Variants in NOX4 observed in about 807,000 individuals in gnomAD.
NOX4 encodes the protein NADPH oxidase 4.
A neutral mutation model predicts 87.6 loss-of-function variants in NOX4; 69 were observed. That is an observed-to-expected ratio of 0.79 (90% CI 0.65 to 0.96). NOX4 has a LOEUF of 0.96. NOX4 is among the 40% of genes least tolerant of loss of function. NOX4 has a pLI of 0.00. For synonymous variants in NOX4, 275 were observed against 238.2 expected, an observed-to-expected ratio of 1.15 and a Z score of -1.42; for missense variants, 680 against 681.5, an observed-to-expected ratio of 1.00 and a Z score of 0.02.
the NOX4 span, among the ~76,000 whole-genome samples, chr11:89,531,278 C>A: frequency 2.6e-5 from 4 of 152,136 alleles, no homozygotes; most frequent in African/African-American, 4.8e-5. Context: ...CCCCCTGAGG[C>A]CATTGAACTC....
At chr11:89,332,828 T>TA in intron 17 of NOX4, among the ~76,000 whole-genome samples, 1 of 151,986 alleles carries the variant, frequency 6.6e-6, no homozygotes, top group East Asian at 1.9e-4. Context: ...TCTTCATTTG[T>TA]AAAATAAAAA....
chr11:89,371,442 T>C (rs1409289091), intron 12 of NOX4, among the ~76,000 whole-genome samples: 1 of 152,022 alleles, frequency 6.6e-6, no homozygotes, highest in African/African-American at 2.4e-5. Flanking sequence ...AGACATCATT[T>C]ATTTTAATGA....
Position 89,327,828 on chromosome 11 carries a change from T to G in NOX4, c.1617-952A>C, listed in dbSNP as rs1945283280. 2.6e-5 allele frequency among the ~76,000 whole-genome samples: 4 copies of G among 152,058 alleles called. No homozygotes were observed. The South Asian group carries it at 8.3e-4, about 31-fold the overall frequency. On this transcript the variant is annotated intron_variant, in intron 17 of 17. Coordinates refer to ENST00000263317, the MANE Select transcript of NOX4 (RefSeq NM_016931.5). ...AAACTAAAAGCTGTGAAAATAGAAT[T>G]TTACTTGCAGCCATGATGGGGTAAT...
the NOX4 span, among the ~76,000 whole-genome samples, chr11:89,513,422 A>T: frequency 6.6e-6 from 1 of 152,106 alleles, no homozygotes; most frequent in Non-Finnish European, 1.5e-5. Context: ...TGAAAACCAA[A>T]TAACAAAAAT....
chr11:89,566,330 C>T, the NOX4 span, among the ~76,000 whole-genome samples: 1 of 152,116 alleles, frequency 6.6e-6, no homozygotes. Flanking sequence ...GTGTGAGCCA[C>T]CATGCCCAGC....
chr11:89,354,735 C>T lies in NOX4; in HGVS notation c.1217+227G>A, dbSNP rs114983325. The stretch of plus-strand genomic sequence containing the variant: ...GCATGTTGTCTGCACTGTGCGGCAG[C>T]TCCTCAGTCAAAGCTGGGTTGCAAT... On this transcript the variant is annotated intron_variant, in intron 13 of 17. Transcript: ENST00000263317. 6.1e-3 allele frequency among the ~76,000 whole-genome samples: 924 copies of T among 152,256 alleles called. 7 individuals are homozygous for T. Among genetic ancestry groups the T allele is most frequent in the African/African-American group, 0.021 (863 of 41,556 alleles).
intron 12 of NOX4, among the ~76,000 whole-genome samples, chr11:89,359,329 G>C (rs1346241399): frequency 2.0e-5 from 3 of 149,990 alleles, no homozygotes; most frequent in African/African-American, 7.4e-5. Flanking sequence ...CCAATATGCA[G>C]AATATACCAA....
chr11:89,574,111 G>T, the NOX4 span, among the ~76,000 whole-genome samples: 1 of 152,184 alleles, frequency 6.6e-6, no homozygotes, highest in Non-Finnish European at 1.5e-5. Flanking sequence ...GGCACAGGCT[G>T]CCAAATTATC....
At chr11:89,577,350 A>G in the NOX4 span, 1 of 152,182 alleles carries the variant, frequency 6.6e-6, no homozygotes, top group Non-Finnish European at 1.5e-5. Flanking sequence ...ATTTAAAAAT[A>G]TCTAATGTAT....
At chr11:89,585,771 G>T in the NOX4 span, among the ~76,000 whole-genome samples, 4 of 152,108 alleles carry the variant, frequency 2.6e-5, no homozygotes. Flanking sequence ...TCCCATCCTT[G>T]TATAAGTCAT....
chr11:89,477,615 G>T (rs145556906), intron 2 of NOX4, among the ~76,000 whole-genome samples: 462 of 152,238 alleles, frequency 3.0e-3, no homozygotes, highest in African/African-American at 0.01. Context: ...GACCCATGAG[G>T]ATAGTGTGTT....
At chr11:89,328,217 A>T (rs535981133) in intron 17 of NOX4, among the ~76,000 whole-genome samples, 1 of 152,346 alleles carries the variant, frequency 6.6e-6, no homozygotes. Flanking sequence ...ATTAATAATC[A>T]GTTCATATAT....
chr11:89,456,666 C>T (rs371521613), intron 2 of NOX4, among the ~76,000 whole-genome samples: 5 of 152,120 alleles, frequency 3.3e-5, no homozygotes, highest in Non-Finnish European at 7.4e-5. Flanking sequence ...CTGTCCTCAC[C>T]AGGAATCCCC....
intron 12 of NOX4, among the ~76,000 whole-genome samples, chr11:89,367,775 G>A (rs1381035860): frequency 6.6e-6 from 1 of 151,902 alleles, no homozygotes; most frequent in Non-Finnish European, 1.5e-5. Context: ...TTTGGGAAAC[G>A]ACCAAGTTTC....
intron 2 of NOX4, among the ~76,000 whole-genome samples, chr11:89,473,796 G>A (rs11018629): frequency 0.091 from 13,818 of 151,952 alleles, 786 homozygotes; most frequent in South Asian, 0.21. Flanking sequence ...GAATGAAGTC[G>A]ACTCTCTTCC....
the NOX4 span, among the ~76,000 whole-genome samples, chr11:89,529,353 G>A: frequency 2.0e-5 from 3 of 152,096 alleles, no homozygotes; most frequent in Admixed American, 6.5e-5. Flanking sequence ...ATTTATAATC[G>A]TAATCTAGTT....
chr11:89,462,623 G>A (rs752511871), intron 2 of NOX4, among the ~76,000 whole-genome samples: 10 of 152,034 alleles, frequency 6.6e-5, no homozygotes, highest in Non-Finnish European at 1.5e-4. Flanking sequence ...ATTCGATGAA[G>A]AAAAACATTG....
At chr11:89,510,059 T>C in the NOX4 span, among the ~76,000 whole-genome samples, 9 of 152,058 alleles carry the variant, frequency 5.9e-5, no homozygotes, top group African/African-American at 2.2e-4. Context: ...GTGGATTCTT[T>C]CGAAAAAGTT....
At chr11:89,475,274 A>G (rs774385231) in intron 2 of NOX4, among the ~76,000 whole-genome samples, 2 of 151,950 alleles carry the variant, frequency 1.3e-5, no homozygotes, top group Non-Finnish European at 2.9e-5. Flanking sequence ...ATTTTCCCCT[A>G]TTTTCTATAA....
Sources: gnomAD v4.1 joint callset for allele counts (sites outside exome capture counted in the v4.1 genomes callset) on GRCh38, gnomAD v4.1.1 for gene constraint, MANE v1.5 for transcripts, NCBI Gene and HGNC (gene_info 2026-07-23, HGNC 2026-07-21) for gene names.